The following UNC5C variants were observed in gnomAD, a reference collection of about 807,000 sequenced individuals.
UNC5C encodes the protein netrin receptor UNC5C.
UNC5C carries 47 observed loss-of-function variants against 99.8 expected under a neutral mutation model. The observed-to-expected ratio is 0.47, with a 90% CI of 0.37 to 0.60. UNC5C has a LOEUF of 0.60. Among genes scored for constraint, UNC5C ranks in the 20% least tolerant of loss-of-function variants. The probability of loss-of-function intolerance (pLI) is 0.00; values close to 1 mark genes in which losing one functional copy is unlikely to be tolerated. For synonymous variants in UNC5C, 487 were observed against 452.2 expected (o/e 1.08, Z -0.98); for missense variants, 1,062 against 1,165.9 (o/e 0.91, Z 1.30).
chr4:95,497,056 C>T (rs532379585), intron 1 of UNC5C, among the ~76,000 whole-genome samples: 11 of 151,932 alleles, frequency 7.2e-5, no homozygotes, highest in South Asian at 4.1e-4. Flanking sequence ...ATACATACCA[C>T]GTTTTCTTTA....
intron 1 of UNC5C, among the ~76,000 whole-genome samples, chr4:95,520,523 C>G (rs1179149570): frequency 6.6e-6 from 1 of 150,940 alleles, no homozygotes; most frequent in Non-Finnish European, 1.5e-5. Flanking sequence ...TGAAATGGAA[C>G]AAAGAAGCTG....
chr4:95,309,786 G>T (rs551349016), intron 2 of UNC5C, among the ~76,000 whole-genome samples: 1 of 152,282 alleles, frequency 6.6e-6, no homozygotes, highest in Admixed American at 6.5e-5. Context: ...ACAAGTGTTG[G>T]CAAAGGATAT....
At chr4:95,184,814 T>C (rs1445636118) in intron 13 of UNC5C, among the ~76,000 whole-genome samples, 2 of 152,182 alleles carry the variant, frequency 1.3e-5, no homozygotes, top group Admixed American at 1.3e-4. Flanking sequence ...AAGCCTTTCA[T>C]TTATTAAAAA....
intron 1 of UNC5C, among the ~76,000 whole-genome samples, chr4:95,539,898 C>A (rs757020689): frequency 3.3e-4 from 50 of 151,580 alleles, no homozygotes; most frequent in Non-Finnish European, 6.3e-4. Flanking sequence ...ATACTTACTG[C>A]CAAAACTTAT....
At chr4:95,240,635 AACAC>A (rs1739297247) in intron 7 of UNC5C, among the ~76,000 whole-genome samples, 1 of 152,138 alleles carries the variant, frequency 6.6e-6, no homozygotes, top group Admixed American at 6.5e-5. Flanking sequence ...AACAAACACA[AACAC>A]AAACAAACAA....
chr4:95,472,919 AT>A lies in UNC5C; in HGVS notation c.124+75814del, dbSNP rs1332641120. On this transcript the variant is annotated intron_variant, in intron 1 of 15. Coordinates refer to ENST00000453304, the MANE Select transcript of UNC5C (RefSeq NM_003728.4). ...TGTTGTAAAATCTAAAAAAAAAAAAATGTGTTCCTGTTCAACAAAGCTGTCG... is the reference window on the plus strand; with the variant it reads ...TGTTGTAAAATCTAAAAAAAAAAAAAGTGTTCCTGTTCAACAAAGCTGTCG... Among the ~76,000 whole-genome samples the A allele has an allele frequency of 1.2e-4, 18 of 151,836 alleles. No homozygotes were observed. The East Asian group carries it at 1.8e-3, about 15-fold the overall frequency.
chr4:95,179,158 A>G (rs1391579175), intron 14 of UNC5C, among the ~76,000 whole-genome samples: 2 of 152,230 alleles, frequency 1.3e-5, no homozygotes, highest in East Asian at 3.9e-4. Flanking sequence ...TGACACACAT[A>G]TTCAGGACTC....
rs1735898425 is a variant in UNC5C, at chr4:95,167,391, GACTA to G, written c.*1839_*1842del. ...AGTTGTTTACACAAAGTAGTGTGTT[GACTA>G]ACAAACATTTTGCAGGACAAAAGTT... On this transcript the variant is annotated 3_prime_UTR_variant, in exon 16 of 16. Transcript: ENST00000453304. The G allele has an allele frequency of 6.6e-6, 1 of 151,484 alleles. No individual in the cohort carries two copies. The highest frequency in any genetic ancestry group is 1.5e-5 in the Non-Finnish European group (1 of 68,032). The allele number at this position is 151,484 out of a possible 1,614,324, so 9.4% of individuals were successfully genotyped here. A position where few individuals can be genotyped will look rare whatever the true frequency, so the allele number is the denominator to read the frequency against.
chr4:95,217,441 A>T (rs879395374), intron 9 of UNC5C, among the ~76,000 whole-genome samples: 2 of 152,236 alleles, frequency 1.3e-5, no homozygotes, highest in Admixed American at 6.5e-5. Flanking sequence ...CAGGAAGATC[A>T]CACATGAGGC....
At chr4:95,536,146 C>T (rs1029729411) in intron 1 of UNC5C, among the ~76,000 whole-genome samples, 8 of 150,576 alleles carry the variant, frequency 5.3e-5, no homozygotes, top group Non-Finnish European at 1.2e-4. Context: ...AGCACGATCT[C>T]TGCTTACTGC....
intron 4 of UNC5C, among the ~76,000 whole-genome samples, chr4:95,262,179 G>C (rs371484002): frequency 1.3e-5 from 2 of 152,232 alleles, no homozygotes; most frequent in Non-Finnish European, 2.9e-5. Context: ...ATAAGGGACT[G>C]TAATAACTGG....
chr4:95,189,389 A>G (rs895679301), intron 12 of UNC5C, among the ~76,000 whole-genome samples: 4 of 152,182 alleles, frequency 2.6e-5, no homozygotes, highest in African/African-American at 9.7e-5. Context: ...GTGCTCAGGC[A>G]GTCCTCCCAC....
intron 1 of UNC5C, among the ~76,000 whole-genome samples, chr4:95,508,301 A>G (rs1721976434): frequency 1.3e-5 from 2 of 152,038 alleles, no homozygotes. Context: ...AGAGAAATAA[A>G]TGAGTTAATA....
chr4:95,501,913 T>C (rs1721785326), intron 1 of UNC5C, among the ~76,000 whole-genome samples: 1 of 152,184 alleles, frequency 6.6e-6, no homozygotes, highest in African/African-American at 2.4e-5. Flanking sequence ...GTTGGAAATA[T>C]TTATTTTTTG....
intron 1 of UNC5C, among the ~76,000 whole-genome samples, chr4:95,347,347 A>G (rs1359121692): frequency 6.6e-6 from 1 of 152,034 alleles, no homozygotes; most frequent in Admixed American, 6.6e-5. Flanking sequence ...AAAGCAATCT[A>G]GATTCAATGC....
intron 1 of UNC5C, among the ~76,000 whole-genome samples, chr4:95,409,897 G>A (rs925972447): frequency 9.9e-5 from 15 of 152,106 alleles, no homozygotes; most frequent in Middle Eastern, 6.8e-3. Context: ...CTCTATGTGC[G>A]CCTAGGGCTG....
intron 1 of UNC5C, among the ~76,000 whole-genome samples, chr4:95,455,745 C>A (rs1206797173): frequency 6.6e-6 from 1 of 152,076 alleles, no homozygotes; most frequent in Admixed American, 6.6e-5. Flanking sequence ...AAAATGCTTT[C>A]ATCATACAGA....
chr4:95,215,919 C>T, intron 10 of UNC5C: 1 of 437,046 alleles, frequency 2.3e-6, no homozygotes, highest in Non-Finnish European at 4.1e-6. Flanking sequence ...TAGCCTTCTA[C>T]CCATATTCAA....
chr4:95,289,809 G>T (rs1372636392), intron 3 of UNC5C, among the ~76,000 whole-genome samples: 2 of 152,188 alleles, frequency 1.3e-5, no homozygotes, highest in African/African-American at 4.8e-5. Flanking sequence ...GGAAGAACTA[G>T]ATTGGCCTTC....
Sources: gnomAD v4.1 joint callset for allele counts (sites outside exome capture counted in the v4.1 genomes callset) on GRCh38, gnomAD v4.1.1 for gene constraint, MANE v1.5 for transcripts, NCBI Gene and HGNC (gene_info 2026-07-23, HGNC 2026-07-21) for gene names.